CABCOCO1: variants seen among roughly 807,000 people sequenced by gnomAD.
CABCOCO1 encodes ciliary associated calcium binding coiled-coil 1.
Under a neutral mutation model 35.7 loss-of-function variants are expected in CABCOCO1, and 28 were observed. The ratio of observed to expected loss-of-function variants is 0.78; its 90% CI spans 0.58 to 1.07. CABCOCO1 has a LOEUF of 1.07. Ranked by LOEUF, CABCOCO1 falls within the 50% of genes least tolerant of loss-of-function variation. The pLI is 0.00. For synonymous variants in CABCOCO1, 95 were observed against 100.1 expected, an observed-to-expected ratio of 0.95 and a Z score of 0.30; for missense variants, 326 against 309.2, an observed-to-expected ratio of 1.05 and a Z score of -0.41.
chr10:61,678,601 G>C (rs913923636), intron 2 of CABCOCO1, among the ~76,000 whole-genome samples: 1 of 152,020 alleles, frequency 6.6e-6, no homozygotes, highest in Non-Finnish European at 1.5e-5. Flanking sequence ...CAAAGTTAAT[G>C]GAGTCAAGGT....
intron 5 of CABCOCO1, among the ~76,000 whole-genome samples, chr10:61,729,681 A>T (rs1461517561): frequency 1.3e-5 from 2 of 152,202 alleles, no homozygotes; most frequent in African/African-American, 4.8e-5. Flanking sequence ...TCACCACAGC[A>T]CTATTCCCAA....
intron 5 of CABCOCO1, among the ~76,000 whole-genome samples, chr10:61,702,665 T>C (rs545057924): frequency 1.3e-5 from 2 of 152,274 alleles, no homozygotes; most frequent in South Asian, 4.1e-4. Context: ...CACATACCAA[T>C]GTTTTCATAG....
At chr10:61,705,419 C>A (rs187718354) in intron 5 of CABCOCO1, among the ~76,000 whole-genome samples, 131 of 152,298 alleles carry the variant, frequency 8.6e-4, no homozygotes, top group African/African-American at 3.0e-3. Context: ...CCAGCATTCC[C>A]AGTACTCTGG....
chr10:61,683,680 C>G (rs1230290547), intron 3 of CABCOCO1, among the ~76,000 whole-genome samples: 1 of 152,154 alleles, frequency 6.6e-6, no homozygotes, highest in Non-Finnish European at 1.5e-5. Flanking sequence ...TTTCATTACT[C>G]TAAGTTTTCA....
Position 61,689,641 on chromosome 10 carries a change from T to G in CABCOCO1, c.480-908T>G, listed in dbSNP as rs149351441. 8.2e-3 allele frequency among the ~76,000 whole-genome samples: 1,248 copies of G among 152,292 alleles called. 15 individuals are homozygous for G. Among genetic ancestry groups the G allele is most frequent in the African/African-American group, 0.024 (1,003 of 41,568 alleles). On this transcript the variant is annotated intron_variant, in intron 4 of 7. Coordinates refer to ENST00000648843, the MANE Select transcript of CABCOCO1 (RefSeq NM_001366906.2). ...CATTTTGCAAATGTTAATTTCTCAGTTATATTAAAATCAATTTCCTTAAAT... is the reference window on the plus strand; with the variant it reads ...CATTTTGCAAATGTTAATTTCTCAGGTATATTAAAATCAATTTCCTTAAAT...
At chr10:61,726,825 G>C (rs909874778) in intron 5 of CABCOCO1, among the ~76,000 whole-genome samples, 12 of 115,390 alleles carry the variant, frequency 1.0e-4, no homozygotes, top group African/African-American at 3.9e-4. Context: ...TGGGAGGCGA[G>C]CGGGGGTGGA....
At chr10:61,678,190 G>C (rs1228251629) in intron 2 of CABCOCO1, among the ~76,000 whole-genome samples, 1 of 151,934 alleles carries the variant, frequency 6.6e-6, no homozygotes, top group East Asian at 1.9e-4. Flanking sequence ...CATATACCAG[G>C]CTCCCTCATA....
intron 5 of CABCOCO1, among the ~76,000 whole-genome samples, chr10:61,733,157 C>A (rs1277110824): frequency 6.6e-6 from 1 of 151,880 alleles, no homozygotes; most frequent in African/African-American, 2.4e-5. Flanking sequence ...GTAATACATG[C>A]GTTTATCTGT....
chr10:61,747,469 AT>A (rs987699516), intron 5 of CABCOCO1, among the ~76,000 whole-genome samples: 7 of 152,108 alleles, frequency 4.6e-5, no homozygotes, highest in Non-Finnish European at 8.8e-5. Flanking sequence ...GACGATAATC[AT>A]TTGGTTGGTA....
intron 1 of CABCOCO1, among the ~76,000 whole-genome samples, chr10:61,666,699 T>G (rs1158328353): frequency 6.6e-6 from 1 of 151,968 alleles, no homozygotes; most frequent in African/African-American, 2.4e-5. Context: ...TCTAGAATTT[T>G]TTTATATTTG....
At chr10:61,676,836 C>T (rs1304776586) in intron 2 of CABCOCO1, among the ~76,000 whole-genome samples, 3 of 151,506 alleles carry the variant, frequency 2.0e-5, no homozygotes, top group Non-Finnish European at 4.4e-5. Context: ...CTGAGGCAGG[C>T]GGATCATGAG....
At chr10:61,678,811 T>C (rs989047347) in intron 2 of CABCOCO1, among the ~76,000 whole-genome samples, 1 of 152,084 alleles carries the variant, frequency 6.6e-6, no homozygotes, top group African/African-American at 2.4e-5. Context: ...ATAATTATTA[T>C]TGAGACATAC....
intron 3 of CABCOCO1, among the ~76,000 whole-genome samples, chr10:61,683,708 T>C (rs186526866): frequency 1.3e-5 from 2 of 152,346 alleles, no homozygotes; most frequent in Admixed American, 6.5e-5. Context: ...ATTTTATTTC[T>C]AGAAGCTTTT....
At chr10:61,719,073 T>C (rs1325561432) in intron 5 of CABCOCO1, among the ~76,000 whole-genome samples, 4 of 152,240 alleles carry the variant, frequency 2.6e-5, no homozygotes, top group African/African-American at 9.6e-5. Flanking sequence ...TATTTACTAA[T>C]GGAATAAAAT....
chr10:61,758,397 A>G (rs746625845), intron 5 of CABCOCO1, among the ~76,000 whole-genome samples: 4 of 152,192 alleles, frequency 2.6e-5, no homozygotes, highest in Non-Finnish European at 4.4e-5. Flanking sequence ...GGTACAAATC[A>G]TTTCGTGGGA....
At chr10:61,717,368 T>C (rs1010950338) in intron 5 of CABCOCO1, among the ~76,000 whole-genome samples, 1 of 152,172 alleles carries the variant, frequency 6.6e-6, no homozygotes, top group African/African-American at 2.4e-5. Context: ...AATACATCAA[T>C]TTTCTGGCGA....
intron 2 of CABCOCO1, among the ~76,000 whole-genome samples, chr10:61,680,278 C>T (rs933868179): frequency 8.1e-5 from 12 of 147,316 alleles, no homozygotes; most frequent in African/African-American, 2.7e-4. Flanking sequence ...CACAACTGCA[C>T]TCAGCCTGGC....
At chr10:61,726,858 G>C (rs540905891) in intron 5 of CABCOCO1, among the ~76,000 whole-genome samples, 30 of 143,618 alleles carry the variant, frequency 2.1e-4, no homozygotes, top group African/African-American at 7.3e-4. Context: ...AGGAGTTCGA[G>C]ACCAGCCTGG....
intron 5 of CABCOCO1, among the ~76,000 whole-genome samples, chr10:61,731,460 T>A (rs1237912027): frequency 6.6e-6 from 1 of 151,968 alleles, no homozygotes; most frequent in Non-Finnish European, 1.5e-5. Flanking sequence ...TCCAGGATCT[T>A]CCTTTTATCT....
Sources: gnomAD v4.1 joint callset for allele counts (sites outside exome capture counted in the v4.1 genomes callset) on GRCh38, gnomAD v4.1.1 for gene constraint, MANE v1.5 for transcripts, NCBI Gene and HGNC (gene_info 2026-07-23, HGNC 2026-07-21) for gene names.